GRIP1: variants seen among roughly 807,000 people sequenced by gnomAD.
GRIP1 encodes glutamate receptor interacting protein 1.
A neutral mutation model predicts 129.9 loss-of-function variants in GRIP1; 45 were observed. The ratio of observed to expected loss-of-function variants is 0.35; its 90% CI spans 0.27 to 0.44. The LOEUF (loss-of-function observed/expected upper bound fraction) is 0.44, where lower values mean the gene tolerates loss of function less well. Among genes scored for constraint, GRIP1 ranks in the 20% least tolerant of loss-of-function variants. GRIP1 has a pLI of 1.00. For missense variants in GRIP1, 1,196 were observed against 1,396.8 expected (o/e 0.86, Z 2.29); for synonymous variants, 530 against 520.8 (o/e 1.02, Z -0.24).
In GRIP1 at chr12:67,042,545, T is replaced by A. The variant is rs532568975; in HGVS notation, c.58+26505A>T. On this transcript the variant is annotated intron_variant, in intron 1 of 1. Coordinates refer to the GRIP1 transcript ENST00000643019. The stretch of plus-strand genomic sequence containing the variant: ...CCTTATTTCTCTGCCAGGCATTCTT[T>A]TTCTTAACTTGTTCATGTCTTATTG... 1.1e-4 allele frequency among the ~76,000 whole-genome samples: 17 copies of A among 152,352 alleles called. No homozygotes were observed. The South Asian group carries it at 3.5e-3, about 32-fold the overall frequency.
chr12:66,633,888 T>C (rs1439390116), intron 1 of GRIP1, among the ~76,000 whole-genome samples: 2 of 152,172 alleles, frequency 1.3e-5, no homozygotes, highest in African/African-American at 2.4e-5. Flanking sequence ...GAGAGTGTGA[T>C]TGTGCAAAAA....
chr12:66,855,604 G>T (rs1223021794), intron 1 of GRIP1, among the ~76,000 whole-genome samples: 1 of 151,978 alleles, frequency 6.6e-6, no homozygotes, highest in African/African-American at 2.4e-5. Context: ...AGGCAATAGA[G>T]GAAGCCATTT....
At chr12:67,000,114 A>C (rs73133693) in intron 1 of GRIP1, among the ~76,000 whole-genome samples, 3 of 152,092 alleles carry the variant, frequency 2.0e-5, no homozygotes, top group Non-Finnish European at 2.9e-5. Context: ...ACCTCGAACT[A>C]GGCAAGGACC....
chr12:66,856,503 A>C (rs1037913333), intron 1 of GRIP1, among the ~76,000 whole-genome samples: 84 of 152,292 alleles, frequency 5.5e-4, no homozygotes, highest in Non-Finnish European at 1.1e-3. Context: ...CAGAATCTAC[A>C]ATGAACTCAA....
At chr12:66,917,681 C>T (rs1243310474) in intron 1 of GRIP1, among the ~76,000 whole-genome samples, 1 of 152,114 alleles carries the variant, frequency 6.6e-6, no homozygotes, top group Non-Finnish European at 1.5e-5. Context: ...ATTTCAATCA[C>T]TAGACATTTA....
intron 1 of GRIP1, among the ~76,000 whole-genome samples, chr12:66,733,302 T>C (rs992595927): frequency 6.6e-6 from 1 of 152,172 alleles, no homozygotes; most frequent in Non-Finnish European, 1.5e-5. Context: ...TTTTCTAATA[T>C]GGAACACTGA....
intron 1 of GRIP1, among the ~76,000 whole-genome samples, chr12:66,850,559 T>C (rs13377745): frequency 6.6e-6 from 1 of 151,908 alleles, no homozygotes; most frequent in Non-Finnish European, 1.5e-5. Flanking sequence ...GGGAAAGCCA[T>C]GTAATAGAAA....
chr12:66,357,098 A>G (rs7304829), intron 23 of GRIP1, among the ~76,000 whole-genome samples: 3,847 of 152,220 alleles, frequency 0.025, 176 homozygotes, highest in African/African-American at 0.086. Context: ...GCTGGTCTTG[A>G]ACTCCTGAGC....
intron 7 of GRIP1, among the ~76,000 whole-genome samples, chr12:66,493,177 A>G (rs1424171553): frequency 6.6e-6 from 1 of 152,196 alleles, no homozygotes; most frequent in African/African-American, 2.4e-5. Flanking sequence ...GGCATTTTAA[A>G]TGCTCTGTAG....
intron 1 of GRIP1, among the ~76,000 whole-genome samples, chr12:66,629,949 AT>A (rs2030562249): frequency 6.6e-6 from 1 of 152,202 alleles, no homozygotes; most frequent in South Asian, 2.1e-4. Flanking sequence ...TTTTTACTCT[AT>A]TAAGTATAGG....
At chr12:66,697,035 T>C (rs2035189915) in intron 1 of GRIP1, among the ~76,000 whole-genome samples, 1 of 152,182 alleles carries the variant, frequency 6.6e-6, no homozygotes, top group African/African-American at 2.4e-5. Flanking sequence ...AGTTTCAAAC[T>C]ACTCTGAAGA....
intron 13 of GRIP1, among the ~76,000 whole-genome samples, chr12:66,441,679 G>C (rs1350416191): frequency 1.3e-5 from 2 of 152,184 alleles, no homozygotes; most frequent in Non-Finnish European, 2.9e-5. Context: ...ACAGTGCTTA[G>C]CACCTAGTAA....
At chr12:66,913,050 C>T (rs190593439) in intron 1 of GRIP1, among the ~76,000 whole-genome samples, 1 of 152,276 alleles carries the variant, frequency 6.6e-6, no homozygotes, top group Admixed American at 6.5e-5. Flanking sequence ...ACAATCTTCA[C>T]CTGGATAAGA....
chr12:66,362,654 C>T lies in GRIP1; in HGVS notation c.3012+9040G>A, dbSNP rs979064445. 1.4e-4 allele frequency among the ~76,000 whole-genome samples: 22 copies of T among 151,948 alleles called. No individual in the cohort carries two copies. In the South Asian group the frequency reaches 3.3e-3, roughly 23 times the overall value. On this transcript the variant is annotated intron_variant, in intron 23 of 24. Transcript: ENST00000359742. ...TAGAAATACGTACATTTGATCACAA[C>T]AGAGATGCATAAGGATATCAGGGAG...
chr12:66,454,543 T>C (rs7307402), intron 11 of GRIP1, among the ~76,000 whole-genome samples: 35,048 of 152,094 alleles, frequency 0.23, 4,528 homozygotes, highest in Middle Eastern at 0.42. Context: ...TCTTCCCCAA[T>C]AGAAACGATA....
At chr12:66,818,529 G>C (rs949218819) in intron 1 of GRIP1, among the ~76,000 whole-genome samples, 22 of 152,114 alleles carry the variant, frequency 1.4e-4, no homozygotes, top group African/African-American at 5.3e-4. Flanking sequence ...CATTGAAAAA[G>C]TAGCTAATTC....
At chr12:66,609,357 A>G (rs1417204870) in intron 1 of GRIP1, among the ~76,000 whole-genome samples, 1 of 152,160 alleles carries the variant, frequency 6.6e-6, no homozygotes, top group Non-Finnish European at 1.5e-5. Flanking sequence ...TTTCTACCAC[A>G]ATAATGATGC....
chr12:67,066,571 C>T (rs1314554266), intron 1 of GRIP1, among the ~76,000 whole-genome samples: 2 of 151,954 alleles, frequency 1.3e-5, no homozygotes, highest in Admixed American at 6.6e-5. Flanking sequence ...GTAAGATATT[C>T]GAAATTGACC....
Position 66,348,188 on chromosome 12 carries a change from T to TATC in GRIP1, c.*828_*830dup, listed in dbSNP as rs1308475249. ...TCAAGCAGTATGAGTTTGGTTTGCC[T>TATC]ATCATTAAGATGAACCTCATTTTAA... On this transcript the variant is annotated 3_prime_UTR_variant, in exon 25 of 25. Coordinates refer to ENST00000359742, the MANE Select transcript of GRIP1 (RefSeq NM_001366722.1). The TATC allele has an allele frequency of 1.3e-5, 2 of 152,354 alleles. No individual in the cohort carries two copies. The highest frequency in any genetic ancestry group is 3.9e-4 in the East Asian group (2 of 5,190). The allele number at this position is 152,354 out of a possible 1,614,324, so 9.4% of individuals were successfully genotyped here.
Sources: gnomAD v4.1 joint callset for allele counts (sites outside exome capture counted in the v4.1 genomes callset) on GRCh38, gnomAD v4.1.1 for gene constraint, MANE v1.5 for transcripts, NCBI Gene and HGNC (gene_info 2026-07-23, HGNC 2026-07-21) for gene names.